The following HMBOX1 variants were observed in gnomAD, a reference collection of about 807,000 sequenced individuals.
The protein encoded by HMBOX1 is homeobox-containing protein 1.
A neutral mutation model predicts 54.5 loss-of-function variants in HMBOX1; 14 were observed. That is an observed-to-expected ratio of 0.26 (90% CI 0.17 to 0.40). The LOEUF is 0.40. Ranked by LOEUF, HMBOX1 falls within the 10% of genes least tolerant of loss-of-function variation. The probability of loss-of-function intolerance (pLI) is 1.00; values close to 1 mark genes in which losing one functional copy is unlikely to be tolerated. For synonymous variants in HMBOX1, 160 were observed against 181.0 expected, an observed-to-expected ratio of 0.88 and a Z score of 0.93; for missense variants, 332 against 514.4, an observed-to-expected ratio of 0.65 and a Z score of 3.43.
intron 6 of HMBOX1, among the ~76,000 whole-genome samples, chr8:29,033,759 T>C (rs1243167779): frequency 6.6e-6 from 1 of 152,190 alleles, no homozygotes; most frequent in East Asian, 1.9e-4. Flanking sequence ...TCATACAATG[T>C]TCTGTGGCCG....
At chr8:29,045,020 T>A (rs994470594) in intron 6 of HMBOX1, among the ~76,000 whole-genome samples, 1 of 152,250 alleles carries the variant, frequency 6.6e-6, no homozygotes, top group Non-Finnish European at 1.5e-5. Flanking sequence ...ATCAATGACA[T>A]CTTTTAATGA....
chr8:28,950,650 T>A (rs927143774), intron 1 of HMBOX1, among the ~76,000 whole-genome samples: 4 of 152,190 alleles, frequency 2.6e-5, no homozygotes. Context: ...TTAAACTGAC[T>A]ATGCTTGAAG....
chr8:29,001,468 T>A (rs926714873), intron 4 of HMBOX1, among the ~76,000 whole-genome samples: 1 of 152,170 alleles, frequency 6.6e-6, no homozygotes, highest in Non-Finnish European at 1.5e-5. Context: ...GAGAATTACT[T>A]GTACCTGGGA....
intron 6 of HMBOX1, among the ~76,000 whole-genome samples, chr8:29,032,996 C>T (rs1358030281): frequency 6.6e-6 from 1 of 152,014 alleles, no homozygotes; most frequent in African/African-American, 2.4e-5. Flanking sequence ...CTTTTGAATG[C>T]CTCAGTGTTG....
chr8:28,959,353 T>C (rs1563469265), intron 1 of HMBOX1, among the ~76,000 whole-genome samples: 1 of 152,172 alleles, frequency 6.6e-6, no homozygotes, highest in East Asian at 1.9e-4. Flanking sequence ...AAGGGTCAGG[T>C]AGGGTCTACA....
chr8:29,029,475 C>T (rs1007600592), intron 6 of HMBOX1, among the ~76,000 whole-genome samples: 1 of 152,196 alleles, frequency 6.6e-6, no homozygotes, highest in African/African-American at 2.4e-5. Flanking sequence ...ATATAAATTG[C>T]ATCTACTGAC....
chr8:28,894,838 T>C (rs997026205), intron 1 of HMBOX1, among the ~76,000 whole-genome samples: 2 of 152,088 alleles, frequency 1.3e-5, no homozygotes, highest in Admixed American at 1.3e-4. Context: ...TTTACCCTTA[T>C]AGTGGTAATA....
intron 1 of HMBOX1, among the ~76,000 whole-genome samples, chr8:28,898,187 C>T (rs1479647209): frequency 6.6e-6 from 1 of 152,054 alleles, no homozygotes; most frequent in South Asian, 2.1e-4. Flanking sequence ...TGATTTTTGT[C>T]TTCTCTGGGT....
intron 6 of HMBOX1, among the ~76,000 whole-genome samples, chr8:29,039,735 G>A (rs1273210591): frequency 2.6e-5 from 4 of 152,022 alleles, no homozygotes. Flanking sequence ...CCTTGTCAGA[G>A]CACATGTGAA....
intron 4 of HMBOX1, among the ~76,000 whole-genome samples, chr8:28,996,269 CAAG>C (rs374343131): frequency 0.19 from 28,831 of 151,986 alleles, 3,076 homozygotes; most frequent in South Asian, 0.3. Flanking sequence ...AGTTCATATA[CAAG>C]TTGAATTCTT....
intron 1 of HMBOX1, among the ~76,000 whole-genome samples, chr8:28,944,755 AATTCCTTCAAGATG>A (rs1357344191): frequency 6.6e-6 from 1 of 152,214 alleles, no homozygotes; most frequent in African/African-American, 2.4e-5. Flanking sequence ...AGAAAAAGGT[AATTCCTTCAAGATG>A]GTTAGAAACT....
intron 4 of HMBOX1, among the ~76,000 whole-genome samples, chr8:29,004,791 A>T (rs563911724): frequency 7.2e-5 from 11 of 152,206 alleles, no homozygotes; most frequent in African/African-American, 2.6e-4. Flanking sequence ...AAGTTAGGGA[A>T]ATTTTCTCCT....
intron 1 of HMBOX1, among the ~76,000 whole-genome samples, chr8:28,896,811 G>A (rs1397320714): frequency 6.6e-6 from 1 of 152,108 alleles, no homozygotes; most frequent in Non-Finnish European, 1.5e-5. Context: ...CTAATGGTGC[G>A]TTTCTCAGAG....
chr8:28,940,065 A>G (rs867391071), intron 1 of HMBOX1, among the ~76,000 whole-genome samples: 1 of 151,780 alleles, frequency 6.6e-6, no homozygotes, highest in Non-Finnish European at 1.5e-5. Flanking sequence ...ACAGAGTGCA[A>G]TGGTGCTATC....
chr8:28,901,168 T>G (rs1813168866), intron 1 of HMBOX1, among the ~76,000 whole-genome samples: 2 of 152,172 alleles, frequency 1.3e-5, no homozygotes, highest in South Asian at 4.1e-4. Flanking sequence ...TTCTTTTTCC[T>G]AGGTAATACT....
intron 3 of HMBOX1, among the ~76,000 whole-genome samples, chr8:28,971,319 G>C (rs1360587771): frequency 6.6e-6 from 1 of 152,000 alleles, no homozygotes; most frequent in Non-Finnish European, 1.5e-5. Flanking sequence ...TCGAACTCCT[G>C]ATCTCAGGTG....
chr8:28,907,998 A>T (rs1814673065), intron 1 of HMBOX1, among the ~76,000 whole-genome samples: 1 of 151,790 alleles, frequency 6.6e-6, no homozygotes, highest in South Asian at 2.1e-4. Flanking sequence ...GGTACATGCC[A>T]CCACAGTTTT....
chr8:28,985,597 A>G (rs1296757534), intron 4 of HMBOX1, among the ~76,000 whole-genome samples: 3 of 152,194 alleles, frequency 2.0e-5, no homozygotes, highest in African/African-American at 7.2e-5. Context: ...GTGTAAAGAC[A>G]AGTTCTGAAC....
In HMBOX1 at chr8:29,002,114, G is replaced by T. The variant is rs147257621; in HGVS notation, c.587-6958G>T. Among the ~76,000 whole-genome samples, 252 of 152,296 alleles carry T rather than the reference G, an allele frequency of 1.7e-3. 2 individuals carry two copies. The highest frequency in any genetic ancestry group is 5.7e-3 in the African/African-American group (236 of 41,572). ...AGATAGGTTGTTTTGGTTCAGGGGG[G>T]TCTCATGAGGTTGCAGTCATCTGGA... is the stretch of plus-strand genomic sequence containing the variant. On this transcript the variant is annotated intron_variant, in intron 4 of 9. Coordinates refer to ENST00000287701, the MANE Select transcript of HMBOX1 (RefSeq NM_001135726.3).
Sources: gnomAD v4.1 joint callset for allele counts (sites outside exome capture counted in the v4.1 genomes callset) on GRCh38, gnomAD v4.1.1 for gene constraint, MANE v1.5 for transcripts, NCBI Gene and HGNC (gene_info 2026-07-23, HGNC 2026-07-21) for gene names.